XYLT1: variants seen among roughly 807,000 people sequenced by gnomAD.
The protein encoded by XYLT1 is xylosyltransferase 1.
Under a neutral mutation model 91.3 loss-of-function variants are expected in XYLT1, and 36 were observed. The observed-to-expected ratio is 0.39, with a 90% CI of 0.30 to 0.52. The LOEUF (loss-of-function observed/expected upper bound fraction) is 0.52, where lower values mean the gene tolerates loss of function less well. XYLT1 is among the 20% of genes least tolerant of loss of function. XYLT1 has a pLI of 0.68. For missense variants in XYLT1, 1,242 were observed against 1,284.5 expected, an observed-to-expected ratio of 0.97 and a Z score of 0.51; for synonymous variants, 588 against 532.0, an observed-to-expected ratio of 1.11 and a Z score of -1.45.
intron 1 of XYLT1, among the ~76,000 whole-genome samples, chr16:17,400,985 TACAC>T (rs71373111): frequency 0.19 from 27,990 of 148,596 alleles, 2,806 homozygotes; most frequent in African/African-American, 0.28. Flanking sequence ...CTCTCTTTCA[TACAC>T]ACACACACAC....
intron 10 of XYLT1, among the ~76,000 whole-genome samples, chr16:17,121,191 G>A (rs552228801): frequency 1.3e-5 from 2 of 152,308 alleles, no homozygotes; most frequent in South Asian, 4.2e-4. Context: ...CACCAGTTAG[G>A]GGAAGATGGG....
intron 3 of XYLT1, among the ~76,000 whole-genome samples, chr16:17,226,606 G>A (rs1003528871): frequency 3.9e-5 from 6 of 152,288 alleles, no homozygotes; most frequent in African/African-American, 1.4e-4. Context: ...TGGCCAACGT[G>A]GCGAAACCCT....
At chr16:17,440,295 C>T (rs2036516600) in intron 1 of XYLT1, among the ~76,000 whole-genome samples, 1 of 152,188 alleles carries the variant, frequency 6.6e-6, no homozygotes, top group African/African-American at 2.4e-5. Context: ...TTCTAATTAA[C>T]ACATATTCAT....
At position 17,401,705 on chromosome 16, in the gene XYLT1, GTTA is replaced by G. The variant is rs536472449; in HGVS notation, c.364-43658_364-43656del. ...GTTCAATGAAGGGTTAGTGGCTATGGTTATTATTATTATTATTATTATTATTAT... is the reference window on the plus strand; with the variant it reads ...GTTCAATGAAGGGTTAGTGGCTATGGTTATTATTATTATTATTATTATTAT... On this transcript the variant is annotated intron_variant, in intron 1 of 11. Coordinates refer to ENST00000261381, the MANE Select transcript of XYLT1 (RefSeq NM_022166.4). Among the ~76,000 whole-genome samples the G allele has an allele frequency of 9.1e-4, 136 of 150,112 alleles. 1 individual carries two copies. Among genetic ancestry groups the G allele is most frequent in the African/African-American group, 2.5e-3 (103 of 40,880 alleles).
At chr16:17,219,263 TAAGC>T (rs1194461986) in intron 3 of XYLT1, among the ~76,000 whole-genome samples, 1 of 84,148 alleles carries the variant, frequency 1.2e-5, no homozygotes, top group Non-Finnish European at 2.2e-5. Flanking sequence ...CCTGGGCGAC[TAAGC>T]AAGACTTTGT....
intron 5 of XYLT1, among the ~76,000 whole-genome samples, chr16:17,191,073 A>G (rs2032299480): frequency 6.6e-6 from 1 of 152,192 alleles, no homozygotes; most frequent in Admixed American, 6.5e-5. Context: ...AGCAGCCTGA[A>G]GCCATGGTTT....
At chr16:17,353,979 C>T (rs1040434408) in intron 2 of XYLT1, among the ~76,000 whole-genome samples, 5 of 152,216 alleles carry the variant, frequency 3.3e-5, no homozygotes, top group East Asian at 1.9e-4. Context: ...GGGTATCACA[C>T]AAACACCTGT....
intron 3 of XYLT1, among the ~76,000 whole-genome samples, chr16:17,237,573 G>A (rs570128863): frequency 6.6e-6 from 1 of 152,362 alleles, no homozygotes; most frequent in East Asian, 1.9e-4. Flanking sequence ...GATTAGTGAA[G>A]TGTGCCTGTG....
chr16:17,333,427 A>G (rs1269917326), intron 2 of XYLT1, among the ~76,000 whole-genome samples: 1 of 152,126 alleles, frequency 6.6e-6, no homozygotes, highest in Admixed American at 6.5e-5. Context: ...TCAAGTGCTC[A>G]GTAACCCTGT....
At chr16:17,424,204 C>T (rs2036284018) in intron 1 of XYLT1, among the ~76,000 whole-genome samples, 1 of 152,358 alleles carries the variant, frequency 6.6e-6, no homozygotes, top group East Asian at 1.9e-4. Flanking sequence ...AATCCAGACT[C>T]TGCCACTTCT....
intron 1 of XYLT1, among the ~76,000 whole-genome samples, chr16:17,390,312 G>A (rs1026708703): frequency 1.3e-5 from 2 of 152,176 alleles, no homozygotes; most frequent in Admixed American, 6.5e-5. Flanking sequence ...CAGCAAGAAC[G>A]AGGCAGACAC....
intron 3 of XYLT1, among the ~76,000 whole-genome samples, chr16:17,209,277 C>T (rs2032714702): frequency 6.6e-6 from 1 of 152,206 alleles, no homozygotes; most frequent in African/African-American, 2.4e-5. Context: ...GTGTCTGGAT[C>T]CTTTCACTTG....
At chr16:17,432,675 A>C (rs575808599) in intron 1 of XYLT1, among the ~76,000 whole-genome samples, 1 of 152,316 alleles carries the variant, frequency 6.6e-6, no homozygotes, top group Admixed American at 6.5e-5. Flanking sequence ...TGTAAATCAC[A>C]TCTCAATAAA....
At chr16:17,393,991 G>C (rs977582919) in intron 1 of XYLT1, among the ~76,000 whole-genome samples, 4 of 152,016 alleles carry the variant, frequency 2.6e-5, no homozygotes, top group African/African-American at 9.7e-5. Flanking sequence ...TAGCCAGGAT[G>C]GTCTCGATCT....
intron 1 of XYLT1, among the ~76,000 whole-genome samples, chr16:17,407,869 C>A (rs1322060834): frequency 1.3e-5 from 2 of 152,180 alleles, no homozygotes; most frequent in African/African-American, 4.8e-5. Context: ...AGGGTGGATC[C>A]CTCATGAATA....
At chr16:17,270,791 C>T (rs1474161668) in intron 2 of XYLT1, among the ~76,000 whole-genome samples, 3 of 152,194 alleles carry the variant, frequency 2.0e-5, no homozygotes, top group South Asian at 2.1e-4. Context: ...CATGCCCATT[C>T]GTGCACACAC....
chr16:17,125,330 C>T (rs1448097439), intron 10 of XYLT1, among the ~76,000 whole-genome samples: 1 of 152,212 alleles, frequency 6.6e-6, no homozygotes, highest in African/African-American at 2.4e-5. Flanking sequence ...GTGGAAGCTG[C>T]AAGTTTGTCT....
chr16:17,323,372 C>T (rs1259802614), intron 2 of XYLT1, among the ~76,000 whole-genome samples: 1 of 152,190 alleles, frequency 6.6e-6, no homozygotes, highest in African/African-American at 2.4e-5. Flanking sequence ...GCGCAGACGG[C>T]ACCATTGGGA....
intron 1 of XYLT1, among the ~76,000 whole-genome samples, chr16:17,468,504 C>A (rs770501352): frequency 2.0e-5 from 3 of 152,198 alleles, no homozygotes; most frequent in Admixed American, 2.0e-4. Flanking sequence ...GCTGCTGGAA[C>A]TGCAATTCCA....
Sources: gnomAD v4.1 joint callset for allele counts (sites outside exome capture counted in the v4.1 genomes callset) on GRCh38, gnomAD v4.1.1 for gene constraint, MANE v1.5 for transcripts, NCBI Gene and HGNC (gene_info 2026-07-23, HGNC 2026-07-21) for gene names.